The following HSPA4 variants were observed in gnomAD, a reference collection of about 807,000 sequenced individuals.
HSPA4 encodes heat shock protein family A (Hsp70) member 4.
HSPA4 carries 25 observed loss-of-function variants against 106.2 expected under a neutral mutation model. That is an observed-to-expected ratio of 0.24 (90% CI 0.17 to 0.33). The LOEUF is 0.33. Among genes scored for constraint, HSPA4 ranks in the 10% least tolerant of loss-of-function variants. HSPA4 has a pLI of 1.00. For synonymous variants in HSPA4, 332 were observed against 333.6 expected, an observed-to-expected ratio of 1.00 and a Z score of 0.05; for missense variants, 841 against 996.0, an observed-to-expected ratio of 0.84 and a Z score of 2.10.
At chr5:133,082,388 C>G (rs4128344) in intron 7 of HSPA4, among the ~76,000 whole-genome samples, 33,859 of 152,078 alleles carry the variant, frequency 0.22, 3,904 homozygotes, top group South Asian at 0.26. Context: ...GAATTGTATA[C>G]TTTAAAAATA....
rs997029012 is a variant in HSPA4, at chr5:133,101,822, G to A, written c.2101G>A (p.Glu701Lys). The stretch of plus-strand genomic sequence containing the variant: ...TGAAGAACGACCAAAATTATTTGAA[G>A]AACTAGGGAAACAGATCCAACAGTA... The part of the protein sequence containing the change: ...ESEERPKLFE[E>K]LGKQIQQYMK... The change falls in exon 17 of 19, where the codon GAA becomes AAA. Residue 701 changes from glutamate to lysine, a missense_variant. By Grantham distance (56) the Glu-to-Lys change is moderately conservative. Transcript: ENST00000304858. 7 of 1,602,156 alleles carry A rather than the reference G, an allele frequency of 4.4e-6. No individual in the cohort carries two copies. The highest frequency in any genetic ancestry group is 4.3e-6 in the Non-Finnish European group (5 of 1,172,316).
intron 1 of HSPA4, among the ~76,000 whole-genome samples, chr5:133,064,279 G>A (rs1213915477): frequency 3.3e-5 from 5 of 152,210 alleles, no homozygotes; most frequent in African/African-American, 9.7e-5. Flanking sequence ...TCCAAGGTGG[G>A]TGAATCATCT....
chr5:133,069,614 T>C (rs7719344), intron 3 of HSPA4, among the ~76,000 whole-genome samples: 2,771 of 152,290 alleles, frequency 0.018, 94 homozygotes, highest in African/African-American at 0.064. Flanking sequence ...GTGCTGGAGC[T>C]ATGGCAGTGA....
At chr5:133,079,015 C>T (rs568370708) in intron 7 of HSPA4, among the ~76,000 whole-genome samples, 2 of 152,218 alleles carry the variant, frequency 1.3e-5, no homozygotes, top group Non-Finnish European at 1.5e-5. Flanking sequence ...GTTACAGGCA[C>T]GAGATACTGT....
intron 7 of HSPA4, among the ~76,000 whole-genome samples, chr5:133,081,073 A>T (rs1233156321): frequency 2.0e-5 from 3 of 151,776 alleles, no homozygotes; most frequent in African/African-American, 7.3e-5. Flanking sequence ...TTTGAGACAG[A>T]GTCTCAGTAG....
In HSPA4 at chr5:133,052,133, C is replaced by CA; in HGVS notation, c.-116dup. The CA allele has an allele frequency of 1.5e-6, 1 of 681,470 alleles. No homozygotes were observed. 42.2% of individuals were successfully genotyped at this position (681,470 alleles called of 1,614,324 possible). A position where few individuals can be genotyped will look rare whatever the true frequency, so the allele number is the denominator to read the frequency against. The stretch of plus-strand genomic sequence containing the variant: ...GACTTAGGCGCTCGCGTGGACACCG[C>CA]AAGCCCCTCAGTAGCCTCGGCCCAA... On this transcript the variant is annotated 5_prime_UTR_variant, in exon 1 of 19. Transcript: ENST00000304858.
At chr5:133,057,514 G>A (rs1411234558) in intron 1 of HSPA4, among the ~76,000 whole-genome samples, 1 of 152,008 alleles carries the variant, frequency 6.6e-6, no homozygotes, top group Non-Finnish European at 1.5e-5. Context: ...GCATGCCACC[G>A]CGCCTAGCTA....
At position 133,052,295 on chromosome 5, in the gene HSPA4, C is replaced by T; in HGVS notation, c.45C>T (p.Val15=). 6.3e-7 allele frequency: 1 copy of T among 1,595,014 alleles called. No homozygotes were observed. Among genetic ancestry groups the T allele is most frequent in the Non-Finnish European group, 8.5e-7 (1 of 1,173,448 alleles). ...ACCTGGGCTTCCAGAGCTGCTACGT[C>T]GCTGTGGCCCGCGCCGGCGGCATCG... is the stretch of plus-strand genomic sequence containing the variant. The part of the protein sequence containing the change: ...GIDLGFQSCY[V]AVARAGGIET... Residue 15 remains valine, a synonymous_variant, in exon 1 of 19, where the codon GTC becomes GTT. Transcript: ENST00000304858.
intron 1 of HSPA4, 72 bp downstream of exon 1, chr5:133,052,429 C>G: frequency 9.3e-7 from 1 of 1,069,868 alleles, no homozygotes; most frequent in Non-Finnish European, 1.3e-6. Context: ...GGGACCCTCG[C>G]TGCTTGGGGA....
intron 10 of HSPA4, 101 bp from the exon 11 acceptor site, chr5:133,089,457 AAGAG>A (rs747454571): frequency 1.3e-4 from 132 of 995,598 alleles, no homozygotes; most frequent in Non-Finnish European, 1.7e-4. Context: ...ACCAATTGAA[AAGAG>A]AGAGAAACTA....
chr5:133,103,810 C>A, intron 17 of HSPA4, 55 bp from the exon 18 acceptor site: 2 of 1,439,326 alleles, frequency 1.4e-6, no homozygotes, highest in Non-Finnish European at 1.9e-6. Context: ...ACAGTAGTTG[C>A]GGGGAGGGAG....
At chr5:133,068,777 T>C (rs1431996697) in intron 3 of HSPA4, among the ~76,000 whole-genome samples, 1 of 151,454 alleles carries the variant, frequency 6.6e-6, no homozygotes, top group Non-Finnish European at 1.5e-5. Flanking sequence ...AATAAAGAAA[T>C]AGGATAGGTA....
intron 13 of HSPA4, among the ~76,000 whole-genome samples, chr5:133,094,094 A>G (rs1407780660): frequency 6.6e-6 from 1 of 152,234 alleles, no homozygotes; most frequent in Non-Finnish European, 1.5e-5. Context: ...TCCATCTTAA[A>G]AAGTTATTTT....
In HSPA4 at chr5:133,076,720, T is replaced by C; in HGVS notation, c.730T>C (p.Phe244Leu). The C allele has an allele frequency of 6.2e-7, 1 of 1,613,866 alleles. No homozygotes were observed. Among genetic ancestry groups the C allele is most frequent in the Non-Finnish European group, 8.5e-7 (1 of 1,179,766 alleles). Residue 244 changes from phenylalanine (F) to leucine (L), a missense_variant, in exon 7 of 19, where the codon TTC (phenylalanine) becomes CTC (leucine). Physicochemically the swap from Phe to Leu is conservative, Grantham distance 22. Transcript: ENST00000304858. ...RKFDEVLVNH[F>L]CEEFGKKYKL... ...ATTTGATGAAGTGTTAGTAAATCAC[T>C]TCTGTGAAGAATTTGGGAAGAAATA...
chr5:133,100,019 C>T (rs1172995819), intron 16 of HSPA4, among the ~76,000 whole-genome samples: 1 of 151,836 alleles, frequency 6.6e-6, no homozygotes, highest in Non-Finnish European at 1.5e-5. Flanking sequence ...AGCAAAGCAT[C>T]TGGTGGTTTA....
rs2126688350 is a variant in HSPA4 at position 133,052,101 on chromosome 5, C to G, written c.-150C>G. Reference sequence around the variant, plus strand: ...GCAGCGCTCTCGGTTGCAGTACCCACTGGAAGGACTTAGGCGCTCGCGTGG... The same window carrying G: ...GCAGCGCTCTCGGTTGCAGTACCCAGTGGAAGGACTTAGGCGCTCGCGTGG... On this transcript the variant is annotated 5_prime_UTR_variant, in exon 1 of 19. Transcript: ENST00000304858. 1 of 599,816 alleles carries G rather than the reference C, an allele frequency of 1.7e-6. No homozygotes were observed. The highest frequency in any genetic ancestry group is 2.9e-6 in the Non-Finnish European group (1 of 339,570). The allele number at this position is 599,816 out of a possible 1,614,324, so 37.2% of individuals were successfully genotyped here.
At chr5:133,069,238 T>C (rs1390773576) in intron 3 of HSPA4, among the ~76,000 whole-genome samples, 1 of 142,762 alleles carries the variant, frequency 7.0e-6, no homozygotes, top group Non-Finnish European at 1.6e-5. Flanking sequence ...TTGTTCATTA[T>C]TGTTACTTAT....
In HSPA4 at chr5:133,104,615, G is replaced by A; in HGVS notation, c.*179G>A. On this transcript the variant is annotated 3_prime_UTR_variant, in exon 19 of 19. Coordinates refer to ENST00000304858, the MANE Select transcript of HSPA4 (RefSeq NM_002154.4). ...TTTCACTTCTAAATAGTTAGATACA[G>A]AAATTAAGTGCATTGTATCTTTTTC... 1.7e-6 allele frequency: 1 copy of A among 591,308 alleles called. No individual in the cohort carries two copies. Among genetic ancestry groups the A allele is most frequent in the Non-Finnish European group, 3.0e-6 (1 of 334,350 alleles). The allele number at this position is 591,308 out of a possible 1,614,324, so 36.6% of individuals were successfully genotyped here.
Position 133,067,504 on chromosome 5 carries a change from T to C in HSPA4, c.253T>C (p.Ser85Pro), listed in dbSNP as rs1410772373. ...FSDPFVEAEKSNLAYDIVQLP... is the reference protein window; with the variant it reads ...FSDPFVEAEKPNLAYDIVQLP... ...TGATCCATTTGTGGAGGCAGAAAAA[T>C]CTAACCTTGCATATGATATTGTGCA... Residue 85 changes from serine to proline, a missense_variant, in exon 3 of 19, where the codon TCT becomes CCT. Around this residue, in one of 5 missense-constraint regions of HSPA4, gnomAD observed 347 missense variants for 408.7 expected, o/e 0.85. Transcript: ENST00000304858. The C allele has an allele frequency of 6.2e-7, 1 of 1,613,888 alleles. No individual in the cohort carries two copies. Among genetic ancestry groups the C allele is most frequent in the Non-Finnish European group, 8.5e-7 (1 of 1,179,906 alleles).
Sources: allele counts gnomAD v4.1 joint callset (sites outside exome capture counted in the v4.1 genomes callset), GRCh38; gene constraint gnomAD v4.1.1; regional missense constraint gnomAD v4.1.1; transcripts MANE v1.5; gene names NCBI Gene and HGNC (gene_info 2026-07-23, HGNC 2026-07-21).